Variants in CASP9 observed in about 807,000 individuals in gnomAD.
The protein encoded by CASP9 is caspase-9.
A neutral mutation model predicts 43.5 loss-of-function variants in CASP9; 29 were observed. That is an observed-to-expected ratio of 0.67 (90% CI 0.50 to 0.91). The LOEUF (loss-of-function observed/expected upper bound fraction) is 0.91, where lower values mean the gene tolerates loss of function less well. Ranked by LOEUF, CASP9 falls within the 40% of genes least tolerant of loss-of-function variation. The pLI, the probability that CASP9 is intolerant of heterozygous loss-of-function variation, is 0.00. For missense variants in CASP9, 575 were observed against 537.4 expected (o/e 1.07, Z -0.69); for synonymous variants, 206 against 211.9 (o/e 0.97, Z 0.24).
chr1:15,509,965 C>G (rs2103357562), intron 2 of CASP9, among the ~76,000 whole-genome samples: 1 of 152,270 alleles, frequency 6.6e-6, no homozygotes, highest in African/African-American at 2.4e-5. Flanking sequence ...GAGTCTCGCT[C>G]TGTCACCCAG....
At chr1:15,503,731 T>C (rs563112815) in intron 6 of CASP9, among the ~76,000 whole-genome samples, 2 of 152,330 alleles carry the variant, frequency 1.3e-5, no homozygotes, top group South Asian at 4.1e-4. Flanking sequence ...TGGACAGCGC[T>C]ATGGTATAAC....
chr1:15,506,553 A>G (rs1395983372), intron 4 of CASP9, among the ~76,000 whole-genome samples: 1 of 152,132 alleles, frequency 6.6e-6, no homozygotes, highest in Non-Finnish European at 1.5e-5. Flanking sequence ...AAGTGCTGAC[A>G]GTCCCAGCAG....
intron 2 of CASP9, among the ~76,000 whole-genome samples, chr1:15,512,347 TAGAC>T (rs1250121078): frequency 1.3e-5 from 2 of 151,850 alleles, no homozygotes; most frequent in African/African-American, 4.8e-5. Context: ...TTTGAATAGG[TAGAC>T]AGAGTAAAGC....
intron 1 of CASP9, among the ~76,000 whole-genome samples, chr1:15,520,700 T>C (rs932599752): frequency 3.3e-5 from 5 of 152,176 alleles, no homozygotes; most frequent in Non-Finnish European, 5.9e-5. Context: ...ACGCCTGTAA[T>C]CCCAGCACTT....
chr1:15,523,999 C>G (rs1365367796), intron 1 of CASP9, 70 bp downstream of exon 1: 3 of 1,198,656 alleles, frequency 2.5e-6, no homozygotes, highest in Non-Finnish European at 3.4e-6. Context: ...GCTAGGCTCC[C>G]GCACAACGCC....
rs866125016 is a variant in CASP9 at position 15,491,449 on chromosome 1, C to T, written c.*1494G>A. 2 of 1,240,304 alleles carry T rather than the reference C, an allele frequency of 1.6e-6. No individual in the cohort carries two copies. Among genetic ancestry groups the T allele is most frequent in the Non-Finnish European group, 1.1e-6 (1 of 873,196 alleles). The allele number at this position is 1,240,304 out of a possible 1,614,324, so 76.8% of individuals were successfully genotyped here. ...TTATTAATTCAGAAATCCATCCTAA[C>T]ATCCAGGGCCCTAAGAACCAGAAAT... On this transcript the variant is annotated 3_prime_UTR_variant, in exon 9 of 9. Transcript: ENST00000333868.
chr1:15,492,996 T>C lies in CASP9; in HGVS notation c.1198A>G (p.Met400Val). ...AVSVKGIYKQMPGCFNFLRKK... is the reference protein window; with the variant it reads ...AVSVKGIYKQVPGCFNFLRKK... ...CGGAGGAAATTAAAGCAACCAGGCA[T>C]CTGTTTATAAATCCCTTTCACCGAA... is the stretch of plus-strand genomic sequence containing the variant. Residue 400 changes from methionine to valine, a missense_variant, in exon 9 of 9, where the codon ATG becomes GTG. By Grantham distance (21) the Met-to-Val change is conservative. Transcript: ENST00000333868. 1 of 1,614,074 alleles carries C rather than the reference T, an allele frequency of 6.2e-7. No homozygotes were observed. The highest frequency in any genetic ancestry group is 2.2e-5 in the East Asian group (1 of 44,878).
At position 15,495,350 on chromosome 1, in the gene CASP9, C is replaced by T. The variant is rs1709066468; in HGVS notation, c.971G>A (p.Arg324Lys). 6.2e-7 allele frequency: 1 copy of T among 1,610,450 alleles called. No individual in the cohort carries two copies. Among genetic ancestry groups the T allele is most frequent in the Admixed American group, 1.7e-5 (1 of 59,464 alleles). The change falls in exon 7 of 9, where the codon AGG (arginine) becomes AAG (lysine). Residue 324 changes from arginine (R) to lysine (K), a missense_variant. Physicochemically the swap from Arg to Lys is conservative, Grantham distance 26 (BLOSUM62 2). Coordinates refer to ENST00000333868, the MANE Select transcript of CASP9 (RefSeq NM_001229.5). ...TATGGCGTCCAGCTGGTCGAAGGTCCTCAAACCTTCCTGGAACGGGGTGGC... is the reference window on the plus strand; with the variant it reads ...TATGGCGTCCAGCTGGTCGAAGGTCTTCAAACCTTCCTGGAACGGGGTGGC... ...PDATPFQEGL[R>K]TFDQLDAISS...
At chr1:15,493,856 C>T (rs748712343) in intron 8 of CASP9, 36 bp downstream of exon 8, 1 of 1,559,784 alleles carries the variant, frequency 6.4e-7, no homozygotes, top group Admixed American at 1.9e-5. Flanking sequence ...CCCTCAGCAG[C>T]CTCCCCTCTC....
intron 2 of CASP9, among the ~76,000 whole-genome samples, chr1:15,516,759 G>C (rs1413280674): frequency 6.6e-6 from 1 of 152,334 alleles, no homozygotes; most frequent in East Asian, 1.9e-4. Flanking sequence ...GCACATGCAA[G>C]GCTAACTGCA....
chr1:15,515,347 T>C, intron 2 of CASP9, among the ~76,000 whole-genome samples: 1 of 151,456 alleles, frequency 6.6e-6, no homozygotes, highest in East Asian at 1.9e-4. Flanking sequence ...TCTGCTTTAG[T>C]GGATTGCCCA....
At chr1:15,523,561 T>C (rs1710300737) in intron 1 of CASP9, among the ~76,000 whole-genome samples, 1 of 152,194 alleles carries the variant, frequency 6.6e-6, no homozygotes, top group Non-Finnish European at 1.5e-5. Flanking sequence ...AAATCTTGCT[T>C]AAACTGCAAA....
chr1:15,497,012 C>G (rs1709126693), intron 6 of CASP9, among the ~76,000 whole-genome samples: 1 of 151,810 alleles, frequency 6.6e-6, no homozygotes, highest in Admixed American at 6.6e-5. Context: ...AAGACCCAGT[C>G]TCAAAAAAGA....
chr1:15,504,809 C>T, intron 5 of CASP9, 51 bp from the exon 6 acceptor site: 3 of 1,569,204 alleles, frequency 1.9e-6, no homozygotes, highest in Non-Finnish European at 2.6e-6. Flanking sequence ...GAGTAGGAAT[C>T]CAACAGCCTG....
intron 5 of CASP9, among the ~76,000 whole-genome samples, 199 bp downstream of exon 5, chr1:15,505,791 A>T (rs1402564632): frequency 1.3e-5 from 2 of 152,150 alleles, no homozygotes; most frequent in Non-Finnish European, 2.9e-5. Flanking sequence ...AGGAACACCG[A>T]CCTGCCCAGG....
At chr1:15,514,628 C>T (rs1320588277) in intron 2 of CASP9, among the ~76,000 whole-genome samples, 2 of 152,166 alleles carry the variant, frequency 1.3e-5, no homozygotes, top group Admixed American at 1.3e-4. Context: ...GACAGACGGG[C>T]TTGCCATGTC....
chr1:15,509,475 A>AAG (rs1229995980), intron 2 of CASP9, among the ~76,000 whole-genome samples: 158 of 151,110 alleles, frequency 1.0e-3, no homozygotes, highest in African/African-American at 3.7e-3. Context: ...AAAAAAAAAA[A>AAG]AAAAGAAAAA....
At chr1:15,521,156 C>CAAAA (rs34870949) in intron 1 of CASP9, among the ~76,000 whole-genome samples, 1 of 81,226 alleles carries the variant, frequency 1.2e-5, no homozygotes, top group African/African-American at 5.0e-5. Context: ...GACTCCGTCT[C>CAAAA]AAAAAAAAAA....
intron 4 of CASP9, among the ~76,000 whole-genome samples, 167 bp from the exon 5 acceptor site, chr1:15,506,246 C>T (rs1247321781): frequency 2.6e-5 from 4 of 151,572 alleles, no homozygotes; most frequent in East Asian, 3.9e-4. Flanking sequence ...GTCACGAGTT[C>T]GAGACCAGCC....
Sources: gnomAD v4.1 joint callset for allele counts (sites outside exome capture counted in the v4.1 genomes callset) on GRCh38, gnomAD v4.1.1 for gene constraint, MANE v1.5 for transcripts, NCBI Gene and HGNC (gene_info 2026-07-23, HGNC 2026-07-21) for gene names.